Variants in TANC2 observed in about 807,000 individuals in gnomAD.
The protein encoded by TANC2 is tetratricopeptide repeat, ankyrin repeat and coiled-coil containing 2, also known as protein TANC2.
In TANC2, 26 loss-of-function variants were observed where a neutral mutation model predicts 210.5. The observed-to-expected ratio is 0.12, with a 90% confidence interval of 0.09 to 0.17. The LOEUF (loss-of-function observed/expected upper bound fraction) is 0.17, where lower values mean the gene tolerates loss of function less well. TANC2 is among the 10% of genes least tolerant of loss of function. The pLI, the probability that TANC2 is intolerant of heterozygous loss-of-function variation, is 1.00. For synonymous variants in TANC2, 931 were observed against 967.1 expected (o/e 0.96, Z 0.69); for missense variants, 2,129 against 2,608.9 (o/e 0.82, Z 4.01).
At chr17:63,070,479 CT>C (rs1396057471) in intron 2 of TANC2, among the ~76,000 whole-genome samples, 1 of 152,180 alleles carries the variant, frequency 6.6e-6, no homozygotes, top group Non-Finnish European at 1.5e-5. Flanking sequence ...GCAGAGCCGC[CT>C]TCTCATCCTT....
intron 3 of TANC2, among the ~76,000 whole-genome samples, chr17:63,083,104 C>G (rs967991630): frequency 6.6e-6 from 1 of 152,166 alleles, no homozygotes; most frequent in African/African-American, 2.4e-5. Context: ...AGGCCCTGCT[C>G]AAATTTCTGC....
At chr17:63,347,656 T>G (rs1221011455) in intron 12 of TANC2, among the ~76,000 whole-genome samples, 1 of 152,226 alleles carries the variant, frequency 6.6e-6, no homozygotes, top group Non-Finnish European at 1.5e-5. Context: ...GTACAGTGAT[T>G]AAAATACATA....
chr17:63,424,735 T>G (rs1452619054), exon 28 of TANC2: 1 of 152,220 alleles, frequency 6.6e-6, no homozygotes, highest in Non-Finnish European at 1.5e-5. Context: ...GTAACTGAAG[T>G]ACTGGATATT....
At chr17:63,088,419 C>G (rs2037055641) in intron 3 of TANC2, 2 of 152,140 alleles carry the variant, frequency 1.3e-5, no homozygotes, top group Non-Finnish European at 2.9e-5. Flanking sequence ...CCTTTCTTCC[C>G]AGAATGTGTC....
intron 5 of TANC2, among the ~76,000 whole-genome samples, chr17:63,171,077 CTTTCTTTTTTTT>C (rs1297710081): frequency 1.5e-5 from 2 of 129,644 alleles, no homozygotes; most frequent in African/African-American, 5.9e-5. Context: ...AAATGTATTT[CTTTCTTTTTTTT>C]TTTTTTTTTT....
chr17:63,269,973 G>A (rs1408204667), intron 9 of TANC2, among the ~76,000 whole-genome samples: 1 of 152,084 alleles, frequency 6.6e-6, no homozygotes, highest in Admixed American at 6.6e-5. Flanking sequence ...TACTTAGGCT[G>A]GAGTTTGTCC....
intron 11 of TANC2, among the ~76,000 whole-genome samples, chr17:63,327,223 A>G (rs1025561400): frequency 6.6e-6 from 1 of 152,236 alleles, no homozygotes; most frequent in Non-Finnish European, 1.5e-5. Context: ...AAGACGAAAG[A>G]TAAGTGTTGG....
At chr17:63,190,731 C>T (rs1447267605) in intron 5 of TANC2, among the ~76,000 whole-genome samples, 1 of 151,832 alleles carries the variant, frequency 6.6e-6, no homozygotes, top group African/African-American at 2.4e-5. Context: ...ATGCACCCTC[C>T]CCCCTGCAAA....
rs891825455 is a variant in TANC2 at position 63,165,062 on chromosome 17, G to A, written c.433+13682G>A. Among the ~76,000 whole-genome samples, 4 of 152,104 alleles carry A rather than the reference G, an allele frequency of 2.6e-5. No homozygotes were observed. The East Asian group carries it at 7.8e-4, about 29-fold the overall frequency. On this transcript the variant is annotated intron_variant, in intron 5 of 27. Coordinates refer to ENST00000689528, the Ensembl canonical transcript of TANC2. ...TTTGAGAGGCTGAGGTGGGAGAATC[G>A]CTTAAGGCCTGGAGTTTTGAGTCCA...
chr17:63,353,002 A>G (rs150001714), intron 13 of TANC2, among the ~76,000 whole-genome samples: 2 of 152,286 alleles, frequency 1.3e-5, no homozygotes, highest in East Asian at 3.9e-4. Context: ...GGGTGGAGGG[A>G]TAACTGGATA....
chr17:63,073,994 G>A (rs749544865), exon 3 of TANC2: 12 of 1,585,552 alleles, frequency 7.6e-6, no homozygotes, highest in Middle Eastern at 3.3e-4. Context: ...GTAGACTCTC[G>A]CCAAAGCCGC....
At chr17:63,204,516 G>A (rs2041635684) in intron 7 of TANC2, among the ~76,000 whole-genome samples, 1 of 152,028 alleles carries the variant, frequency 6.6e-6, no homozygotes, top group Non-Finnish European at 1.5e-5. Flanking sequence ...TGTAGTCCCA[G>A]CTCCTTGGGA....
intron 4 of TANC2, among the ~76,000 whole-genome samples, chr17:63,104,155 G>C (rs552145647): frequency 6.0e-4 from 91 of 152,094 alleles, no homozygotes; most frequent in Non-Finnish European, 1.1e-3. Flanking sequence ...AAATTGGGCA[G>C]GTTTCAAGGT....
In TANC2 at chr17:63,302,557, G is replaced by C. The variant is rs567429812; in HGVS notation, c.1160-11831G>C. 1.5e-4 allele frequency among the ~76,000 whole-genome samples: 17 copies of C among 112,078 alleles called. No individual in the cohort carries two copies. The East Asian group carries it at 3.2e-3, about 21-fold the overall frequency. 73.5% of individuals were successfully genotyped at this position (112,078 alleles called of 152,430 possible). On this transcript the variant is annotated intron_variant, in intron 9 of 27. Coordinates refer to ENST00000689528, the Ensembl canonical transcript of TANC2. Reference sequence around the variant, plus strand: ...CCTTTGTCTTTTTTGATCTTTGTTGGTTTAAAGTCTGTTTTGTCAAAGACT... The same window carrying C: ...CCTTTGTCTTTTTTGATCTTTGTTGCTTTAAAGTCTGTTTTGTCAAAGACT...
chr17:63,114,864 T>A (rs1350823255), intron 4 of TANC2, among the ~76,000 whole-genome samples: 1 of 152,188 alleles, frequency 6.6e-6, no homozygotes, highest in Non-Finnish European at 1.5e-5. Flanking sequence ...TCTCCACCCT[T>A]AAGTTAAATC....
intron 14 of TANC2, among the ~76,000 whole-genome samples, chr17:63,372,644 T>C (rs993754744): frequency 6.6e-6 from 1 of 152,182 alleles, no homozygotes; most frequent in Non-Finnish European, 1.5e-5. Context: ...ACAAAGAGGT[T>C]CAGTATCTTG....
At chr17:63,088,892 ATGGTT>A (rs1459742932) in intron 3 of TANC2, 2 of 152,114 alleles carry the variant, frequency 1.3e-5, no homozygotes, top group Non-Finnish European at 2.9e-5. Flanking sequence ...CTTTACACTC[ATGGTT>A]TGTCTCTTGT....
intron 9 of TANC2, chr17:63,305,318 C>G (rs1326943650): frequency 6.6e-6 from 1 of 152,252 alleles, no homozygotes; most frequent in African/African-American, 2.4e-5. Flanking sequence ...CTGGGGGTGA[C>G]TCCTCTGCCC....
chr17:63,218,287 C>T (rs1405595284), intron 7 of TANC2, among the ~76,000 whole-genome samples: 2 of 151,530 alleles, frequency 1.3e-5, no homozygotes, highest in Non-Finnish European at 2.9e-5. Context: ...AAAAAAAAAT[C>T]GACAAAAAGT....
Sources: allele counts gnomAD v4.1 joint callset (sites outside exome capture counted in the v4.1 genomes callset), GRCh38; gene constraint gnomAD v4.1.1; transcripts MANE v1.5; gene names NCBI Gene and HGNC (gene_info 2026-07-23, HGNC 2026-07-21).